IFI16: variants seen among roughly 807,000 people sequenced by gnomAD.
IFI16 encodes gamma-interferon-inducible protein 16.
A neutral mutation model predicts 68.4 loss-of-function variants in IFI16; 49 were observed. The ratio of observed to expected loss-of-function variants is 0.72; its 90% CI spans 0.57 to 0.91. The LOEUF (loss-of-function observed/expected upper bound fraction) is 0.91. IFI16 is among the 40% of genes least tolerant of loss of function. The pLI, the probability that IFI16 is intolerant of heterozygous loss-of-function variation, is 0.00. For missense variants in IFI16, 878 were observed against 942.9 expected (o/e 0.93, Z 0.90); for synonymous variants, 307 against 315.0 (o/e 0.97, Z 0.27).
At chr1:159,043,666 C>A (rs1393203050) in intron 7 of IFI16, among the ~76,000 whole-genome samples, 1 of 152,068 alleles carries the variant, frequency 6.6e-6, no homozygotes, top group East Asian at 1.9e-4. Flanking sequence ...CAGACTATTA[C>A]CTTTGATTTA....
chr1:159,026,402 G>A (rs1388462335), intron 6 of IFI16, among the ~76,000 whole-genome samples: 1 of 151,524 alleles, frequency 6.6e-6, no homozygotes, highest in Non-Finnish European at 1.5e-5. Context: ...GGGTTCAAGC[G>A]ATTCTCCTGC....
intron 6 of IFI16, among the ~76,000 whole-genome samples, chr1:159,030,602 A>T (rs548337040): frequency 6.6e-6 from 1 of 152,190 alleles, no homozygotes; most frequent in East Asian, 1.9e-4. Context: ...CCAGGCTGGT[A>T]CTGGGTAGTG....
At chr1:159,027,052 C>G (rs534965948) in intron 6 of IFI16, among the ~76,000 whole-genome samples, 1 of 151,912 alleles carries the variant, frequency 6.6e-6, no homozygotes, top group South Asian at 2.1e-4. Context: ...GCTAGGACTT[C>G]CATTACTATG....
At chr1:159,033,740 ATTT>A (rs1654148398) in intron 7 of IFI16, among the ~76,000 whole-genome samples, 1 of 152,208 alleles carries the variant, frequency 6.6e-6, no homozygotes, top group African/African-American at 2.4e-5. Flanking sequence ...TCAGTAATTT[ATTT>A]ATTAGTCACG....
chr1:159,029,662 C>G (rs2101863589), intron 6 of IFI16, among the ~76,000 whole-genome samples: 1 of 146,836 alleles, frequency 6.8e-6, no homozygotes, highest in East Asian at 2.0e-4. Flanking sequence ...TCCCAAACTT[C>G]TTGGAGGCTT....
chr1:159,015,765 G>A, intron 2 of IFI16, 107 bp from the exon 3 acceptor site: 2 of 785,402 alleles, frequency 2.5e-6, no homozygotes, highest in Admixed American at 4.4e-5. Flanking sequence ...GAACCCTCAA[G>A]CAGGAACTGA....
intron 5 of IFI16, 135 bp from the exon 6 acceptor site, chr1:159,020,206 G>T: frequency 1.7e-6 from 1 of 603,932 alleles, no homozygotes; most frequent in Non-Finnish European, 2.9e-6. Context: ...CAAAGATGTG[G>T]CCTAAGATAT....
At chr1:159,032,741 G>A in intron 7 of IFI16, 50 bp downstream of exon 7, 1 of 1,438,608 alleles carries the variant, frequency 7.0e-7, no homozygotes, top group Middle Eastern at 1.9e-4. Flanking sequence ...ATAATTTACA[G>A]GGATCATTAG....
chr1:159,048,203 G>C (rs1655113378), intron 8 of IFI16, among the ~76,000 whole-genome samples: 1 of 151,254 alleles, frequency 6.6e-6, no homozygotes, highest in East Asian at 1.9e-4. Flanking sequence ...ACCCCTAATA[G>C]ATCGTGGAAA....
chr1:159,051,724 G>A lies in IFI16; in HGVS notation c.1711G>A (p.Asp571Asn). The change falls in exon 10 of 12, where the codon GAC becomes AAC. Residue 571 changes from aspartate (D) to asparagine (N), a missense_variant. Asp to Asn is a conservative substitution (Grantham distance 23, BLOSUM62 1). Coordinates refer to ENST00000295809, the MANE Select transcript of IFI16 (RefSeq NM_001376587.1). Reference protein sequence around the residue: ...KTEPEEVSIEDSAQSDLKEVM... With the variant: ...KTEPEEVSIENSAQSDLKEVM... ...TGAACCTGAAGAAGTTTCCATAGAA[G>A]ACAGTGCCCAGAGTGACCTCAAAGA... 6.2e-7 allele frequency: 1 copy of A among 1,613,836 alleles called. No homozygotes were observed. The highest frequency in any genetic ancestry group is 8.5e-7 in the Non-Finnish European group (1 of 1,179,764).
Position 159,053,606 on chromosome 1 carries a change from G to A in IFI16, c.2159G>A (p.Gly720Glu). 6.2e-7 allele frequency: 1 copy of A among 1,613,780 alleles called. No individual in the cohort carries two copies. The highest frequency in any genetic ancestry group is 8.5e-7 in the Non-Finnish European group (1 of 1,179,722). Residue 720 changes from glycine (G) to glutamate (E), a missense_variant, in exon 11 of 12, where the codon GGA becomes GAA. Around this residue, in one of 4 missense-constraint regions of IFI16, gnomAD observed 311 missense variants for 305.1 expected, o/e 1.02. Transcript: ENST00000295809. Reference protein sequence around the residue: ...NTGKMEVVVHGRLTTINCEEG... With the variant: ...NTGKMEVVVHERLTTINCEEG... ...GGGAAGATGGAAGTGGTGGTGCATG[G>A]ACGACTGACCACAATCAACTGTGAG...
chr1:159,013,700 A>G (rs558582749), intron 1 of IFI16, among the ~76,000 whole-genome samples: 1 of 152,284 alleles, frequency 6.6e-6, no homozygotes, highest in South Asian at 2.1e-4. Context: ...GAAGTAGTCA[A>G]AGAAAGAAAT....
chr1:159,032,638 C>G lies in IFI16; in HGVS notation c.1276C>G (p.Leu426Val). ...CAGCACAACCTTCCCTGAGAGCCAT[C>G]TTCGGACTCCTCAGATGCCACCAAC... ...EASTTFPESH[L>V]RTPQMPPTTP... is the part of the protein sequence containing the mutation. The change falls in exon 7 of 12, where the codon CTT becomes GTT. Residue 426 changes from leucine to valine, a missense_variant. Transcript: ENST00000295809. 6.2e-7 allele frequency: 1 copy of G among 1,612,042 alleles called. No individual in the cohort carries two copies. Among genetic ancestry groups the G allele is most frequent in the Non-Finnish European group, 8.5e-7 (1 of 1,179,216 alleles).
At chr1:159,000,186 G>T in exon 1 of IFI16, 1 of 231,426 alleles carries the variant, frequency 4.3e-6, no homozygotes, top group South Asian at 9.4e-5. Context: ...GTGCTGTTTA[G>T]AGTATGCAGT....
At chr1:159,023,818 T>C (rs974936055) in intron 6 of IFI16, among the ~76,000 whole-genome samples, 24 of 152,320 alleles carry the variant, frequency 1.6e-4, no homozygotes, top group Admixed American at 1.3e-3. Flanking sequence ...CCTTGCATCC[T>C]TTTATGCTTC....
intron 7 of IFI16, among the ~76,000 whole-genome samples, chr1:159,038,214 T>A (rs1654432044): frequency 1.3e-5 from 2 of 152,324 alleles, no homozygotes; most frequent in African/African-American, 4.8e-5. Flanking sequence ...ATATGTAGTG[T>A]TGAATTTTGC....
At chr1:159,006,289 G>A (rs1364238083), upstream of IFI16, among the ~76,000 whole-genome samples, 1 of 152,076 alleles carries the variant, frequency 6.6e-6, no homozygotes, top group African/African-American at 2.4e-5. Flanking sequence ...GAAGGGGAGG[G>A]GGACTCAAAT....
At chr1:159,050,245 A>C (rs1410614710) in intron 9 of IFI16, among the ~76,000 whole-genome samples, 1 of 152,204 alleles carries the variant, frequency 6.6e-6, no homozygotes, top group Non-Finnish European at 1.5e-5. Flanking sequence ...CAGTTATTCC[A>C]TACATTATAA....
At chr1:159,032,075 G>A (rs1330165964) in intron 6 of IFI16, among the ~76,000 whole-genome samples, 2 of 152,170 alleles carry the variant, frequency 1.3e-5, no homozygotes, top group Non-Finnish European at 2.9e-5. Flanking sequence ...TGTGCAATAG[G>A]TCCTATTGCT....
Sources: allele counts gnomAD v4.1 joint callset (sites outside exome capture counted in the v4.1 genomes callset), GRCh38; gene constraint gnomAD v4.1.1; regional missense constraint gnomAD v4.1.1; transcripts MANE v1.5; gene names NCBI Gene and HGNC (gene_info 2026-07-23, HGNC 2026-07-21).